TECTB: variants seen among roughly 807,000 people sequenced by gnomAD.
TECTB encodes the protein beta-tectorin.
TECTB carries 45 observed loss-of-function variants against 43.3 expected under a neutral mutation model. The observed-to-expected ratio is 1.04, with a 90% CI of 0.82 to 1.33. The LOEUF (loss-of-function observed/expected upper bound fraction) is 1.33. Ranked by LOEUF, TECTB falls within the 40% of genes most tolerant of loss-of-function variation. The probability of loss-of-function intolerance (pLI) is 0.00; values close to 1 mark genes in which losing one functional copy is unlikely to be tolerated. For synonymous variants in TECTB, 169 were observed against 156.7 expected (o/e 1.08, Z -0.59); for missense variants, 399 against 404.7 (o/e 0.99, Z 0.12).
intron 10 of TECTB, chr10:112,303,006 G>C (rs958753540): frequency 1.3e-4 from 63 of 490,972 alleles, no homozygotes; most frequent in Admixed American, 1.3e-4. Context: ...TCGTTTTTAA[G>C]TTCTACACTG....
At position 112,304,694 on chromosome 10, in the gene TECTB, T is replaced by C. The variant is rs1256532700; in HGVS notation, c.*1382T>C. 7.1e-6 allele frequency: 1 copy of C among 141,274 alleles called. No individual in the cohort carries two copies. The highest frequency in any genetic ancestry group is 1.5e-5 in the Non-Finnish European group (1 of 68,006). 8.8% of individuals were successfully genotyped at this position (141,274 alleles called of 1,614,324 possible). On this transcript the variant is annotated 3_prime_UTR_variant, in exon 11 of 11. Coordinates refer to ENST00000646139, the MANE Select transcript of TECTB (RefSeq NM_058222.3). Reference sequence around the variant, plus strand: ...GTGTTAGTGAACTCAGAGATTAAACTAGTTATGAAATCTCCGGATACATGA... The same window carrying C: ...GTGTTAGTGAACTCAGAGATTAAACCAGTTATGAAATCTCCGGATACATGA...
chr10:112,294,047 G>C lies in TECTB; in HGVS notation c.657G>C (p.Gln219His), dbSNP rs1311242159. The change falls in exon 7 of 11, where the codon CAG becomes CAC. Residue 219 changes from glutamine to histidine, a missense_variant. Physicochemically the swap from Gln to His is conservative, Grantham distance 24. Transcript: ENST00000646139. Reference sequence around the variant, plus strand: ...ACTTCATGTATCCCTTGCAGTGGCAGCTGATCAACAAGGGGTAGGTACACT... The same window carrying C: ...ACTTCATGTATCCCTTGCAGTGGCACCTGATCAACAAGGGGTAGGTACACT... The part of the protein sequence containing the change: ...SADFMYPLQW[Q>H]LINKGCPTDE... The C allele has an allele frequency of 6.2e-7, 1 of 1,614,114 alleles. No homozygotes were observed. The highest frequency in any genetic ancestry group is 8.5e-7 in the Non-Finnish European group (1 of 1,179,974).
intron 7 of TECTB, among the ~76,000 whole-genome samples, chr10:112,295,181 G>C (rs1463057687): frequency 6.6e-6 from 1 of 152,144 alleles, no homozygotes; most frequent in East Asian, 1.9e-4. Context: ...AGACCAATGT[G>C]CCTGTGTTAT....
At chr10:112,289,873 G>T (rs981594076) in intron 5 of TECTB, among the ~76,000 whole-genome samples, 1 of 151,948 alleles carries the variant, frequency 6.6e-6, no homozygotes, top group African/African-American at 2.4e-5. Flanking sequence ...TTTTTTCACC[G>T]CTACTTCACA....
At chr10:112,284,798 C>T (rs1249672000) in intron 3 of TECTB, 73 bp downstream of exon 3, 2 of 1,320,120 alleles carry the variant, frequency 1.5e-6, no homozygotes, top group Non-Finnish European at 2.0e-6. Flanking sequence ...TGTCTGCCAT[C>T]TGTCCTTGAA....
intron 7 of TECTB, among the ~76,000 whole-genome samples, chr10:112,295,324 T>C (rs543360894): frequency 1.9e-4 from 29 of 152,324 alleles, no homozygotes; most frequent in Non-Finnish European, 3.7e-4. Context: ...TACCAAACAT[T>C]GTTCTAGATA....
chr10:112,297,183 C>T (rs937297213), intron 7 of TECTB, among the ~76,000 whole-genome samples: 1 of 152,154 alleles, frequency 6.6e-6, no homozygotes, highest in Non-Finnish European at 1.5e-5. Context: ...GGGGGCTGTG[C>T]TGTGCACTGT....
Position 112,286,366 on chromosome 10 carries a change from G to A in TECTB, c.458G>A (p.Ser153Asn). 2 of 1,609,796 alleles carry A rather than the reference G, an allele frequency of 1.2e-6. No individual in the cohort carries two copies. The highest frequency in any genetic ancestry group is 1.7e-6 in the Non-Finnish European group (2 of 1,176,300). ...AACGGGAGCATGGGCACATTTGAGA[G>A]CCAACTGTCTCTCAACTTCTACACT... ...VKNGSMGTFE[S>N]QLSLNFYTNA... Residue 153 changes from serine (S) to asparagine (N), a missense_variant, in exon 5 of 11, where the codon AGC becomes AAC. Coordinates refer to ENST00000646139, the MANE Select transcript of TECTB (RefSeq NM_058222.3).
intron 10 of TECTB, 177 bp downstream of exon 10, chr10:112,302,310 C>T: frequency 1.6e-6 from 1 of 621,946 alleles, no homozygotes; most frequent in African/African-American, 1.9e-5. Flanking sequence ...CTCTGACCAG[C>T]CCCTGAACTC....
intron 7 of TECTB, 47 bp from the exon 8 acceptor site, chr10:112,298,008 AGCAGCTCTTGCTGG>A: frequency 6.2e-7 from 1 of 1,609,608 alleles, no homozygotes; most frequent in Non-Finnish European, 8.5e-7. Context: ...TAAATCGCTC[AGCAGCTCTTGCTGG>A]AGTTCAAGGA....
chr10:112,294,484 T>G (rs1848528670), intron 7 of TECTB, among the ~76,000 whole-genome samples: 1 of 152,198 alleles, frequency 6.6e-6, no homozygotes, highest in Non-Finnish European at 1.5e-5. Flanking sequence ...ACGGTGATGA[T>G]GACTAAATTA....
intron 9 of TECTB, among the ~76,000 whole-genome samples, chr10:112,300,274 GAAAGA>G (rs1290221425): frequency 0.016 from 450 of 28,508 alleles, 2 homozygotes; most frequent in African/African-American, 0.023. Flanking sequence ...AAGAAAGAAA[GAAAGA>G]AAAGAAAGAA....
At position 112,298,072 on chromosome 10, in the gene TECTB, C is replaced by A; in HGVS notation, c.675C>A (p.Cys225Ter). The A allele has an allele frequency of 6.2e-7, 1 of 1,614,160 alleles. No individual in the cohort carries two copies. Among genetic ancestry groups the A allele is most frequent in the African/African-American group, 1.3e-5 (1 of 75,044 alleles). The change falls in exon 8 of 11, where the codon TGC (cysteine) becomes TGA (stop). Residue 225 changes from cysteine to a stop codon, truncating the protein, a stop_gained. Transcript: ENST00000646139. LOFTEE classifies it high-confidence loss of function. The part of the protein sequence containing the change: ...PLQWQLINKG[C>*]PTDETVLVHE... ...CTTCTTTCCCCATCTGCCTCAGCTGCCCCACGGATGAAACCGTCCTCGTGC... is the reference window on the plus strand; with the variant it reads ...CTTCTTTCCCCATCTGCCTCAGCTGACCCACGGATGAAACCGTCCTCGTGC...
At chr10:112,286,722 C>T (rs1374607015) in intron 5 of TECTB, among the ~76,000 whole-genome samples, 3 of 152,076 alleles carry the variant, frequency 2.0e-5, no homozygotes, top group Non-Finnish European at 2.9e-5. Context: ...GAGTTTGAGA[C>T]CAGCCTAGCT....
intron 5 of TECTB, among the ~76,000 whole-genome samples, chr10:112,291,950 C>T (rs1468706276): frequency 6.6e-6 from 1 of 152,108 alleles, no homozygotes. Flanking sequence ...TCCTGGCTAA[C>T]ACGGTGAAAC....
At chr10:112,297,692 C>T (rs548412521) in intron 7 of TECTB, among the ~76,000 whole-genome samples, 5 of 152,232 alleles carry the variant, frequency 3.3e-5, no homozygotes, top group Admixed American at 2.0e-4. Flanking sequence ...GCAGCAGGGG[C>T]AATGCTGCAC....
chr10:112,291,794 G>A (rs1484383180), intron 5 of TECTB, among the ~76,000 whole-genome samples: 1 of 152,084 alleles, frequency 6.6e-6, no homozygotes, highest in Non-Finnish European at 1.5e-5. Flanking sequence ...TGGAAGCTCG[G>A]GTTAGCCCAG....
chr10:112,300,981 C>A (rs1848606534), intron 9 of TECTB, among the ~76,000 whole-genome samples: 1 of 152,264 alleles, frequency 6.6e-6, no homozygotes, highest in Non-Finnish European at 1.5e-5. Context: ...GCGGCTCTAT[C>A]TTAGAGGACA....
At chr10:112,288,263 C>A (rs915250758) in intron 5 of TECTB, among the ~76,000 whole-genome samples, 4 of 152,122 alleles carry the variant, frequency 2.6e-5, no homozygotes, top group Non-Finnish European at 5.9e-5. Context: ...CATTGCCCAC[C>A]ATCAGCTGCG....
Sources: gnomAD v4.1 joint callset for allele counts (sites outside exome capture counted in the v4.1 genomes callset) on GRCh38, gnomAD v4.1.1 for gene constraint, MANE v1.5 for transcripts, NCBI Gene and HGNC (gene_info 2026-07-23, HGNC 2026-07-21) for gene names.